RBFOX3: variants seen among roughly 807,000 people sequenced by gnomAD.
RBFOX3 encodes RNA binding protein fox-1 homolog 3.
In RBFOX3, 17 loss-of-function variants were observed where a neutral mutation model predicts 48.7. The observed-to-expected ratio is 0.35, with a 90% CI of 0.24 to 0.52. The LOEUF is 0.52. Among genes scored for constraint, RBFOX3 ranks in the 20% least tolerant of loss-of-function variants. RBFOX3 has a pLI of 0.94. For missense variants in RBFOX3, 382 were observed against 497.5 expected, an observed-to-expected ratio of 0.77 and a Z score of 2.21; for synonymous variants, 212 against 209.5, an observed-to-expected ratio of 1.01 and a Z score of -0.10.
At chr17:79,379,471 C>T (rs887182789) in intron 2 of RBFOX3, among the ~76,000 whole-genome samples, 1 of 152,214 alleles carries the variant, frequency 6.6e-6, no homozygotes, top group Non-Finnish European at 1.5e-5. Flanking sequence ...TTGTCTCCAT[C>T]TTCACACCTT....
At chr17:79,140,698 A>G (rs1395037269) in intron 4 of RBFOX3, among the ~76,000 whole-genome samples, 2 of 152,258 alleles carry the variant, frequency 1.3e-5, no homozygotes, top group Non-Finnish European at 2.9e-5. Flanking sequence ...CTCCATGGCC[A>G]AACTTCTTGG....
At chr17:79,408,333 G>A (rs79673533) in intron 2 of RBFOX3, among the ~76,000 whole-genome samples, 12,711 of 152,148 alleles carry the variant, frequency 0.084, 675 homozygotes, top group Non-Finnish European at 0.12. Flanking sequence ...CAGCCCCCAC[G>A]CAGCACTGAG....
At chr17:79,472,945 T>G (rs1013753427) in intron 2 of RBFOX3, among the ~76,000 whole-genome samples, 4 of 152,248 alleles carry the variant, frequency 2.6e-5, no homozygotes, top group Admixed American at 6.5e-5. Flanking sequence ...CTCACTATGC[T>G]GCCCAGCTGA....
At chr17:79,208,733 G>A (rs977075404) in intron 4 of RBFOX3, among the ~76,000 whole-genome samples, 4 of 152,144 alleles carry the variant, frequency 2.6e-5, no homozygotes, top group Non-Finnish European at 4.4e-5. Context: ...GTGTCCCCAC[G>A]CTTGCTCCTA....
intron 3 of RBFOX3, among the ~76,000 whole-genome samples, chr17:79,237,794 C>T (rs1276403189): frequency 2.6e-5 from 4 of 152,154 alleles, no homozygotes; most frequent in African/African-American, 9.7e-5. Flanking sequence ...ACTTCTGGCC[C>T]GTGGAGCCAT....
At chr17:79,532,829 G>A (rs957073830) in intron 1 of RBFOX3, among the ~76,000 whole-genome samples, 34 of 99,102 alleles carry the variant, frequency 3.4e-4, no homozygotes, top group African/African-American at 2.2e-3. Flanking sequence ...TATTGAACAC[G>A]TGTGTGTGTG....
intron 14 of RBFOX3, 39 bp downstream of exon 14, chr17:79,094,412 G>A: frequency 6.9e-7 from 1 of 1,449,926 alleles, no homozygotes; most frequent in Non-Finnish European, 9.2e-7. Flanking sequence ...CCAGCTGTTA[G>A]GACTGGCACC....
chr17:79,557,429 C>T (rs2091863146), intron 1 of RBFOX3, among the ~76,000 whole-genome samples: 1 of 151,370 alleles, frequency 6.6e-6, no homozygotes, highest in Non-Finnish European at 1.5e-5. Flanking sequence ...AACCCAAGTC[C>T]AGTCTACTCA....
the RBFOX3 span, among the ~76,000 whole-genome samples, chr17:79,655,845 C>T: frequency 6.6e-6 from 1 of 152,278 alleles, no homozygotes; most frequent in Admixed American, 6.5e-5. Flanking sequence ...CACCCCAGCC[C>T]CACACCAGTC....
At chr17:79,325,009 C>T (rs2079092412) in intron 2 of RBFOX3, among the ~76,000 whole-genome samples, 1 of 152,230 alleles carries the variant, frequency 6.6e-6, no homozygotes, top group Non-Finnish European at 1.5e-5. Flanking sequence ...AGAAGTTTAG[C>T]GCACTCAGCG....
At chr17:79,470,939 G>T (rs2076984936) in intron 2 of RBFOX3, among the ~76,000 whole-genome samples, 1 of 152,072 alleles carries the variant, frequency 6.6e-6, no homozygotes, top group Non-Finnish European at 1.5e-5. Flanking sequence ...TGTCATCCAA[G>T]ACAGGCCACT....
chr17:79,098,979 G>C (rs1160234357), intron 9 of RBFOX3: 1 of 152,352 alleles, frequency 6.6e-6, no homozygotes, highest in East Asian at 1.9e-4. Flanking sequence ...TGAGGACGGA[G>C]GGTCGGGGTA....
intron 2 of RBFOX3, among the ~76,000 whole-genome samples, chr17:79,378,392 G>A (rs2059478836): frequency 6.6e-6 from 1 of 152,202 alleles, no homozygotes; most frequent in African/African-American, 2.4e-5. Flanking sequence ...TTAGACACAG[G>A]CATGCCCCAG....
At chr17:79,524,306 A>G (rs2086513383) in intron 1 of RBFOX3, among the ~76,000 whole-genome samples, 1 of 152,188 alleles carries the variant, frequency 6.6e-6, no homozygotes, top group Non-Finnish European at 1.5e-5. Flanking sequence ...CAATATTTAC[A>G]AACACTGTCT....
chr17:79,600,797 G>T (rs1394673327), intron 1 of RBFOX3: 2 of 152,184 alleles, frequency 1.3e-5, no homozygotes, highest in African/African-American at 4.8e-5. Flanking sequence ...AACCATGCAC[G>T]GCTTTAATTG....
rs896259332 is a variant in RBFOX3, at chr17:79,402,971, C to T, written c.-175+79483G>A. Among the ~76,000 whole-genome samples the T allele has an allele frequency of 2.6e-5, 4 of 152,172 alleles. 1 individual carries two copies. The highest frequency in any genetic ancestry group is 4.1e-4 in the South Asian group (2 of 4,834). On this transcript the variant is annotated intron_variant, in intron 2 of 14. Transcript: ENST00000693108. Reference sequence around the variant, plus strand: ...CGGCAAAGAGAAGGCTCATCAGGATCGCCATCAGATCATGCTGAAGGTCTT... The same window carrying T: ...CGGCAAAGAGAAGGCTCATCAGGATTGCCATCAGATCATGCTGAAGGTCTT...
chr17:79,414,278 C>T (rs909573060), intron 2 of RBFOX3, among the ~76,000 whole-genome samples: 28 of 152,186 alleles, frequency 1.8e-4, no homozygotes, highest in Admixed American at 7.2e-4. Flanking sequence ...ACAAAGTCTC[C>T]GTTGCCATGG....
intron 2 of RBFOX3, among the ~76,000 whole-genome samples, chr17:79,345,453 C>G (rs925565810): frequency 6.6e-6 from 1 of 152,136 alleles, no homozygotes; most frequent in Non-Finnish European, 1.5e-5. Flanking sequence ...GAATAAGAAG[C>G]CTGATGATCA....
intron 1 of RBFOX3, among the ~76,000 whole-genome samples, chr17:79,515,666 G>A (rs1292401422): frequency 6.6e-6 from 1 of 151,974 alleles, no homozygotes; most frequent in Non-Finnish European, 1.5e-5. Flanking sequence ...CTCCCACATT[G>A]CCCCTAAGTA....
Sources: allele counts gnomAD v4.1 joint callset (sites outside exome capture counted in the v4.1 genomes callset), GRCh38; gene constraint gnomAD v4.1.1; transcripts MANE v1.5; gene names NCBI Gene and HGNC (gene_info 2026-07-23, HGNC 2026-07-21).